The following KRIT1 variants were observed in gnomAD, a reference collection of about 807,000 sequenced individuals.
KRIT1 encodes the protein KRIT1 ankyrin repeat containing, also known as krev interaction trapped protein 1.
A neutral mutation model predicts 95.8 loss-of-function variants in KRIT1; 45 were observed. The observed-to-expected ratio is 0.47, with a 90% confidence interval of 0.37 to 0.60. The LOEUF (loss-of-function observed/expected upper bound fraction) is 0.60, where lower values mean the gene tolerates loss of function less well. Among genes scored for constraint, KRIT1 ranks in the 20% least tolerant of loss-of-function variants. The probability of loss-of-function intolerance (pLI) is 0.00; values close to 1 mark genes in which losing one functional copy is unlikely to be tolerated. For synonymous variants in KRIT1, 282 were observed against 278.8 expected (o/e 1.01, Z -0.11); for missense variants, 788 against 877.5 (o/e 0.90, Z 1.29).
Position 92,222,857 on chromosome 7 carries a change from T to G in KRIT1, c.1376A>C (p.Gln459Pro), listed in dbSNP as rs891290221. The change falls in exon 13 of 19, where the codon CAA becomes CCA. Residue 459 changes from glutamine (Q) to proline (P), a missense_variant. By Grantham distance (76) the Gln-to-Pro change is moderately conservative. Transcript: ENST00000394505. ...TGAACAAATCCATATAGTGAAATAT[T>G]GCTGAGTTTCTTGAGAGAGACGCAT... ...EGMRLSQETQQYFTIWICSEN... is the reference protein window; with the variant it reads ...EGMRLSQETQPYFTIWICSEN... 4 of 1,608,576 alleles carry G rather than the reference T, an allele frequency of 2.5e-6. No homozygotes were observed. The highest frequency in any genetic ancestry group is 3.4e-6 in the Non-Finnish European group (4 of 1,175,072).
chr7:92,210,466 A>G (rs1792554431), intron 17 of KRIT1, among the ~76,000 whole-genome samples: 1 of 152,234 alleles, frequency 6.6e-6, no homozygotes, highest in Admixed American at 6.5e-5. Flanking sequence ...GGTGTTGGAA[A>G]AATTGGATAC....
chr7:92,214,493 A>C (rs1563244316), intron 15 of KRIT1, 118 bp downstream of exon 15: 1 of 746,960 alleles, frequency 1.3e-6, no homozygotes, highest in East Asian at 2.7e-5. Context: ...TATGTCTTAT[A>C]TTATTTAATT....
chr7:92,239,152 T>G (rs566627846), intron 5 of KRIT1, among the ~76,000 whole-genome samples: 4 of 152,362 alleles, frequency 2.6e-5, no homozygotes, highest in African/African-American at 4.8e-5. Flanking sequence ...TAGTACATTT[T>G]ATGTCTGAGT....
At chr7:92,207,794 T>G (rs1584753567) in intron 17 of KRIT1, among the ~76,000 whole-genome samples, 2 of 152,114 alleles carry the variant, frequency 1.3e-5, no homozygotes, top group African/African-American at 4.8e-5. Context: ...GAGGCAGAGG[T>G]TTTACAGTGA....
rs973199786 is a variant in KRIT1, at chr7:92,245,900, C to A, written c.-531G>T. On this transcript the variant is annotated 5_prime_UTR_variant, in exon 1 of 19. Transcript: ENST00000394505. The stretch of plus-strand genomic sequence containing the variant: ...CAAAGGCCTTAGCTTTCCACCCCGC[C>A]GTTACCGTGGCTATGAAATCGCTTC... The A allele has an allele frequency of 4.3e-6, 1 of 234,146 alleles. No homozygotes were observed. Among genetic ancestry groups the A allele is most frequent in the African/African-American group, 2.4e-5 (1 of 41,814 alleles). The allele number at this position is 234,146 out of a possible 1,614,324, so 14.5% of individuals were successfully genotyped here.
intron 12 of KRIT1, among the ~76,000 whole-genome samples, chr7:92,224,319 C>G (rs1584894432): frequency 6.6e-6 from 1 of 152,140 alleles, no homozygotes; most frequent in East Asian, 1.9e-4. Flanking sequence ...CTAATGACAG[C>G]CAGGAGCGGT....
chr7:92,228,821 G>A (rs769507085), intron 10 of KRIT1, among the ~76,000 whole-genome samples: 3 of 151,948 alleles, frequency 2.0e-5, no homozygotes, highest in African/African-American at 7.3e-5. Flanking sequence ...CAGCTCCCAC[G>A]TATAAGTGGG....
At chr7:92,229,219 C>T (rs566103624) in intron 10 of KRIT1, among the ~76,000 whole-genome samples, 1 of 152,264 alleles carries the variant, frequency 6.6e-6, no homozygotes, top group East Asian at 1.9e-4. Context: ...AGTATATAAG[C>T]GTTCCCTTTC....
In KRIT1 at chr7:92,225,767, T is replaced by G; in HGVS notation, c.1207A>C (p.Asn403His). ...LNICEENKQN[N>H]WEEAAKLLKE... ...AACAATTTTGCAGCTTCTTCCCAGTTGTTTTGTTTGTTTTCTTCACAAATA... is the reference window on the plus strand; with the variant it reads ...AACAATTTTGCAGCTTCTTCCCAGTGGTTTTGTTTGTTTTCTTCACAAATA... The change falls in exon 12 of 19, where the codon AAC becomes CAC. Residue 403 changes from asparagine (N) to histidine (H), a missense_variant. Asn to His is a moderately conservative substitution (Grantham distance 68, BLOSUM62 1). Transcript: ENST00000394505. 6.2e-7 allele frequency: 1 copy of G among 1,611,258 alleles called. No individual in the cohort carries two copies. Among genetic ancestry groups the G allele is most frequent in the South Asian group, 1.1e-5 (1 of 91,006 alleles).
chr7:92,203,506 C>T (rs1790688150), intron 17 of KRIT1, among the ~76,000 whole-genome samples: 1 of 152,158 alleles, frequency 6.6e-6, no homozygotes, highest in South Asian at 2.1e-4. Context: ...GAAACTGAAC[C>T]TCTTATCTAA....
rs1798257110 is a variant in KRIT1, at chr7:92,235,544, A to G, written c.588T>C (p.Ala196=). Residue 196 remains alanine (A), a synonymous_variant, in exon 8 of 19, where the codon GCT becomes GCC. Coordinates refer to ENST00000394505, the MANE Select transcript of KRIT1 (RefSeq NM_194454.3). ...AGTTTTCTGTCTGACCTGATTCAGT[A>G]GCATATGCAGGATTTATGACATTAG... is the stretch of plus-strand genomic sequence containing the variant. ...IKTNVINPAY[A]TESGQTENSL... The G allele has an allele frequency of 1.2e-6, 2 of 1,613,852 alleles. No homozygotes were observed. The highest frequency in any genetic ancestry group is 1.7e-6 in the Non-Finnish European group (2 of 1,179,788).
intron 17 of KRIT1, chr7:92,202,146 C>T (rs138055239): frequency 7.3e-4 from 111 of 152,104 alleles, no homozygotes; most frequent in African/African-American, 2.3e-3. Flanking sequence ...CAATCTCATC[C>T]CACTGAAAAT....
intron 8 of KRIT1, 35 bp downstream of exon 8, chr7:92,235,368 T>C (rs1340162136): frequency 6.2e-7 from 1 of 1,606,806 alleles, no homozygotes; most frequent in Non-Finnish European, 8.5e-7. Flanking sequence ...ATAAAACGTC[T>C]TTTAAATCAG....
chr7:92,227,967 C>T (rs749907319), intron 10 of KRIT1, among the ~76,000 whole-genome samples: 1 of 151,970 alleles, frequency 6.6e-6, no homozygotes. Context: ...AGCCAGAGAT[C>T]GCGCCATTGC....
At chr7:92,245,430 G>A (rs117258920) in intron 1 of KRIT1, 3 of 151,510 alleles carry the variant, frequency 2.0e-5, no homozygotes, top group Non-Finnish European at 4.4e-5. Context: ...TCCTTGCCTG[G>A]GGCAACTAGA....
chr7:92,218,264 TG>T (rs1794408475), intron 14 of KRIT1, among the ~76,000 whole-genome samples: 1 of 151,994 alleles, frequency 6.6e-6, no homozygotes, highest in Non-Finnish European at 1.5e-5. Flanking sequence ...AAAACTTTTT[TG>T]TAGAGACAGG....
intron 14 of KRIT1, among the ~76,000 whole-genome samples, chr7:92,218,995 TTTA>T (rs1212290492): frequency 6.6e-6 from 1 of 151,918 alleles, no homozygotes; most frequent in Non-Finnish European, 1.5e-5. Context: ...ACTGATGCAT[TTTA>T]TTTTTATTAT....
At chr7:92,240,694 T>C (rs1799424429) in intron 5 of KRIT1, among the ~76,000 whole-genome samples, 2 of 152,208 alleles carry the variant, frequency 1.3e-5, no homozygotes, top group Admixed American at 1.3e-4. Context: ...GAGATGAGTA[T>C]AGTTTCCTCT....
At chr7:92,240,232 T>C (rs548247414) in intron 5 of KRIT1, among the ~76,000 whole-genome samples, 2 of 152,264 alleles carry the variant, frequency 1.3e-5, no homozygotes, top group African/African-American at 4.8e-5. Flanking sequence ...TTTGGCTGTA[T>C]CTCTGCAACA....
Sources: gnomAD v4.1 joint callset for allele counts (sites outside exome capture counted in the v4.1 genomes callset) on GRCh38, gnomAD v4.1.1 for gene constraint, MANE v1.5 for transcripts, NCBI Gene and HGNC (gene_info 2026-07-23, HGNC 2026-07-21) for gene names.